Variants in SORCS3 observed in about 807,000 individuals in gnomAD.
The protein encoded by SORCS3 is VPS10 domain-containing receptor SorCS3.
A neutral mutation model predicts 146.3 loss-of-function variants in SORCS3; 57 were observed. That is an observed-to-expected ratio of 0.39 (90% confidence interval 0.31 to 0.49). SORCS3 has a LOEUF of 0.49. Among genes scored for constraint, SORCS3 ranks in the 20% least tolerant of loss-of-function variants. The pLI, the probability that SORCS3 is intolerant of heterozygous loss-of-function variation, is 0.92. For synonymous variants in SORCS3, 653 were observed against 618.5 expected (o/e 1.06, Z -0.83); for missense variants, 1,341 against 1,575.5 (o/e 0.85, Z 2.52).
chr10:105,173,602 C>T (rs964042632), intron 13 of SORCS3, among the ~76,000 whole-genome samples: 3 of 152,082 alleles, frequency 2.0e-5, no homozygotes, highest in Admixed American at 6.6e-5. Flanking sequence ...TCCTTGAATC[C>T]ACTTTGGGTG....
chr10:104,881,708 A>G (rs1404435772), intron 2 of SORCS3, among the ~76,000 whole-genome samples: 3 of 152,168 alleles, frequency 2.0e-5, no homozygotes, highest in Non-Finnish European at 4.4e-5. Flanking sequence ...TGATCTACGG[A>G]TGATTGAAGA....
chr10:104,925,213 C>A (rs1200823777), intron 3 of SORCS3, among the ~76,000 whole-genome samples: 1 of 152,176 alleles, frequency 6.6e-6, no homozygotes, highest in Non-Finnish European at 1.5e-5. Context: ...CCAGCTTCAT[C>A]CATGTCCTTG....
At position 105,145,518 on chromosome 10, in the gene SORCS3, A is replaced by G. The variant is rs145878209; in HGVS notation, c.1303-2099A>G. 2.7e-3 allele frequency among the ~76,000 whole-genome samples: 417 copies of G among 152,228 alleles called. 1 individual carries two copies. The highest frequency in any genetic ancestry group is 9.6e-3 in the African/African-American group (400 of 41,568). On this transcript the variant is annotated intron_variant, in intron 8 of 26. Transcript: ENST00000369701. ...ACATTAGTTTAGTCTAAAATAACTT[A>G]GCTCATTCATTTTTATGACCAAAAC... is the stretch of plus-strand genomic sequence containing the variant.
chr10:105,050,868 C>G (rs140400510), intron 5 of SORCS3, among the ~76,000 whole-genome samples: 1 of 152,142 alleles, frequency 6.6e-6, no homozygotes, highest in African/African-American at 2.4e-5. Context: ...TCTTGGACTA[C>G]TTCCTCTGTT....
In SORCS3 at chr10:104,654,340, G is replaced by T. The variant is rs1440200922; in HGVS notation, c.627+12386G>T. On this transcript the variant is annotated intron_variant, in intron 1 of 26. Coordinates refer to ENST00000369701, the MANE Select transcript of SORCS3 (RefSeq NM_014978.3). ...TAACCAGCAGCGGGATTGCTGGATT[G>T]TATGATACCTCTATTTTTAGTTTTT... 5.9e-5 allele frequency among the ~76,000 whole-genome samples: 9 copies of T among 152,274 alleles called. No individual in the cohort carries two copies. The South Asian group carries it at 6.2e-4, about 11-fold the overall frequency.
At chr10:104,643,604 G>A (rs1279394417) in intron 1 of SORCS3, among the ~76,000 whole-genome samples, 1 of 152,166 alleles carries the variant, frequency 6.6e-6, no homozygotes, top group Non-Finnish European at 1.5e-5. Context: ...TCCCTTCCAA[G>A]AGGACTTGGA....
rs894451952 is a variant in SORCS3 at position 104,719,595 on chromosome 10, C to G, written c.627+77641C>G. 3.9e-5 allele frequency among the ~76,000 whole-genome samples: 6 copies of G among 152,252 alleles called. No homozygotes were observed. In the South Asian group the frequency reaches 8.3e-4, roughly 21 times the overall value. On this transcript the variant is annotated intron_variant, in intron 1 of 26. Transcript: ENST00000369701. ...TCGCTTCTCTGCTCTTCTCCTTCTC[C>G]GTTAAATGGGGATGGTGGGATCATT...
chr10:104,652,775 G>C (rs1382548205), intron 1 of SORCS3, among the ~76,000 whole-genome samples: 1 of 152,120 alleles, frequency 6.6e-6, no homozygotes, highest in Non-Finnish European at 1.5e-5. Context: ...TGTATTGATT[G>C]CTCTGCCTTA....
chr10:104,782,458 G>T (rs1339011281), intron 1 of SORCS3, among the ~76,000 whole-genome samples: 1 of 152,188 alleles, frequency 6.6e-6, no homozygotes, highest in Non-Finnish European at 1.5e-5. Flanking sequence ...GGATGACACA[G>T]TACTGCTAGC....
intron 2 of SORCS3, among the ~76,000 whole-genome samples, chr10:104,883,875 C>T (rs1276628703): frequency 1.3e-5 from 2 of 152,052 alleles, no homozygotes; most frequent in African/African-American, 4.8e-5. Flanking sequence ...GTCAAATCTG[C>T]TCACTCCAAT....
chr10:105,241,667 A>C (rs533223828), intron 20 of SORCS3, among the ~76,000 whole-genome samples: 1 of 152,124 alleles, frequency 6.6e-6, no homozygotes, highest in Non-Finnish European at 1.5e-5. Flanking sequence ...AGCTCTCAGC[A>C]GAGAGGGGAG....
chr10:104,959,949 C>G (rs952262696), intron 3 of SORCS3, among the ~76,000 whole-genome samples: 3 of 152,120 alleles, frequency 2.0e-5, no homozygotes, highest in African/African-American at 4.8e-5. Context: ...TGAACGGACT[C>G]TAAGGCACCA....
At chr10:105,090,625 G>A (rs1347571327) in intron 6 of SORCS3, among the ~76,000 whole-genome samples, 3 of 152,148 alleles carry the variant, frequency 2.0e-5, no homozygotes, top group Non-Finnish European at 4.4e-5. Context: ...CTAGTGGTGA[G>A]GCAGAGGTGC....
At chr10:104,781,182 G>A (rs1010657251) in intron 1 of SORCS3, among the ~76,000 whole-genome samples, 3 of 152,140 alleles carry the variant, frequency 2.0e-5, no homozygotes. Flanking sequence ...TCTCACCTTT[G>A]CAACTCATTT....
chr10:104,929,272 G>A (rs2019181502), intron 3 of SORCS3, among the ~76,000 whole-genome samples: 1 of 152,160 alleles, frequency 6.6e-6, no homozygotes, highest in Non-Finnish European at 1.5e-5. Context: ...GCAGAGAGTA[G>A]GTATGACTGG....
At chr10:104,736,818 A>C (rs925415830) in intron 1 of SORCS3, among the ~76,000 whole-genome samples, 7 of 150,280 alleles carry the variant, frequency 4.7e-5, no homozygotes, top group African/African-American at 1.7e-4. Context: ...TTTCGGGTAC[A>C]TGTGCACAAT....
chr10:104,722,953 A>G (rs2016569652), intron 1 of SORCS3, among the ~76,000 whole-genome samples: 1 of 152,016 alleles, frequency 6.6e-6, no homozygotes, highest in Non-Finnish European at 1.5e-5. Context: ...TAATTTTTTG[A>G]AGGGTTTTTT....
rs117426427 is a variant in SORCS3, at chr10:104,797,474, G to A, written c.628-45318G>A. On this transcript the variant is annotated intron_variant, in intron 1 of 26. Coordinates refer to ENST00000369701, the MANE Select transcript of SORCS3 (RefSeq NM_014978.3). ...GGCCAGTTTTGCTGCTTGGAGAGTA[G>A]CAAAACCTTGAATCTGAATCAAGGC... is the stretch of plus-strand genomic sequence containing the variant. 7.3e-4 allele frequency among the ~76,000 whole-genome samples: 111 copies of A among 151,868 alleles called. 5 individuals are homozygous for A. In the East Asian group the frequency reaches 0.02, roughly 28 times the overall value.
intron 1 of SORCS3, among the ~76,000 whole-genome samples, chr10:104,735,477 T>TTTTTTTTTTTTTTTTTTTTC (rs1564671258): frequency 1.4e-5 from 2 of 141,878 alleles, no homozygotes; most frequent in Admixed American, 7.1e-5. Flanking sequence ...TTTTTTTTTT[T>TTTTTTTTTTTTTTTTTTTTC]AATCAATCCC....
Sources: allele counts gnomAD v4.1 joint callset (sites outside exome capture counted in the v4.1 genomes callset), GRCh38; gene constraint gnomAD v4.1.1; transcripts MANE v1.5; gene names NCBI Gene and HGNC (gene_info 2026-07-23, HGNC 2026-07-21).